TMEM132C: variants seen among roughly 807,000 people sequenced by gnomAD.
TMEM132C encodes the protein transmembrane protein 132C.
In TMEM132C, 29 loss-of-function variants were observed where a neutral mutation model predicts 61.4. The observed-to-expected ratio is 0.47, with a 90% CI of 0.35 to 0.64. TMEM132C has a LOEUF of 0.64. TMEM132C is among the 30% of genes least tolerant of loss of function. The pLI is 0.00. For missense variants in TMEM132C, 1,408 were observed against 1,476.9 expected (o/e 0.95, Z 0.76); for synonymous variants, 656 against 633.1 (o/e 1.04, Z -0.54).
chr12:128,652,200 TA>T (rs1954278074), intron 4 of TMEM132C, among the ~76,000 whole-genome samples: 1 of 151,890 alleles, frequency 6.6e-6, no homozygotes, highest in African/African-American at 2.4e-5. Context: ...GCCACATAAC[TA>T]GATAATGAGA....
chr12:128,398,346 C>T (rs1875034034), intron 1 of TMEM132C, among the ~76,000 whole-genome samples: 2 of 152,236 alleles, frequency 1.3e-5, no homozygotes, highest in South Asian at 4.1e-4. Context: ...CAAGGACTGA[C>T]ACTCTCTCTC....
At chr12:128,299,759 T>C (rs1871537127) in intron 1 of TMEM132C, among the ~76,000 whole-genome samples, 1 of 152,224 alleles carries the variant, frequency 6.6e-6, no homozygotes, top group African/African-American at 2.4e-5. Context: ...TCTCTAAAGC[T>C]GCATGCAGCC....
intron 4 of TMEM132C, among the ~76,000 whole-genome samples, chr12:128,620,776 A>G (rs74763244): frequency 0.029 from 4,346 of 152,142 alleles, 224 homozygotes; most frequent in African/African-American, 0.099. Context: ...TTGACCCCTA[A>G]AACATGACAG....
chr12:128,676,615 T>C (rs142924619), intron 5 of TMEM132C, among the ~76,000 whole-genome samples: 66 of 152,368 alleles, frequency 4.3e-4, no homozygotes, highest in Admixed American at 3.8e-3. Context: ...TAAGATATCA[T>C]ACATACTGTT....
rs533950480 is a variant in TMEM132C at position 128,586,717 on chromosome 12, C to T, written c.1122-29435C>T. Among the ~76,000 whole-genome samples, 9 of 152,312 alleles carry T rather than the reference C, an allele frequency of 5.9e-5. No individual in the cohort carries two copies. In the South Asian group the frequency reaches 1.0e-3, roughly 18 times the overall value. Reference sequence around the variant, plus strand: ...TATTAAACAGGAAGCTAAGCCAGCACGGGAAGGAAGATGTTTGTCTTACAT... The same window carrying T: ...TATTAAACAGGAAGCTAAGCCAGCATGGGAAGGAAGATGTTTGTCTTACAT... On this transcript the variant is annotated intron_variant, in intron 3 of 8. Transcript: ENST00000435159.
intron 1 of TMEM132C, among the ~76,000 whole-genome samples, chr12:128,391,587 A>G (rs772926672): frequency 3.1e-4 from 47 of 152,314 alleles, no homozygotes; most frequent in Non-Finnish European, 4.7e-4. Flanking sequence ...TTCTGTTTTA[A>G]TTGTTTTATA....
In TMEM132C at chr12:128,639,082, T is replaced by A. The variant is rs1032331991; in HGVS notation, c.1305+22747T>A. Among the ~76,000 whole-genome samples the A allele has an allele frequency of 4.2e-5, 6 of 142,204 alleles. No individual in the cohort carries two copies. The East Asian group carries it at 8.3e-4, about 20-fold the overall frequency. The allele number at this position is 142,204 out of a possible 152,430, so 93.3% of individuals were successfully genotyped here. The stretch of plus-strand genomic sequence containing the variant: ...GGTGATGATGATGATGGTGATATGA[T>A]GATGATGATGATGGTGTTGATAATG... On this transcript the variant is annotated intron_variant, in intron 4 of 8. Coordinates refer to ENST00000435159, the MANE Select transcript of TMEM132C (RefSeq NM_001136103.3).
intron 2 of TMEM132C, among the ~76,000 whole-genome samples, chr12:128,431,550 C>A (rs1332529175): frequency 2.0e-5 from 2 of 98,906 alleles, no homozygotes; most frequent in Non-Finnish European, 3.8e-5. Flanking sequence ...CCATCTAGGA[C>A]TTTTTTTTTT....
intron 2 of TMEM132C, among the ~76,000 whole-genome samples, chr12:128,422,427 C>T (rs898460784): frequency 2.0e-5 from 3 of 152,126 alleles, no homozygotes; most frequent in South Asian, 2.1e-4. Flanking sequence ...AGAGCAGAGG[C>T]GGTGATCATT....
chr12:128,658,635 C>A (rs753081843), intron 4 of TMEM132C, among the ~76,000 whole-genome samples: 9 of 152,176 alleles, frequency 5.9e-5, no homozygotes, highest in Non-Finnish European at 1.2e-4. Flanking sequence ...TTTATAGTCA[C>A]CTTCCTTGAG....
At position 128,667,024 on chromosome 12, in the gene TMEM132C, C is replaced by T. The variant is rs1593141558; in HGVS notation, c.1306-2393C>T. On this transcript the variant is annotated intron_variant, in intron 4 of 8. Coordinates refer to ENST00000435159, the MANE Select transcript of TMEM132C (RefSeq NM_001136103.3). ...GGCGGAGCTTGCAGTGAGCCGAGGT[C>T]GCGCCACTGCACTCCAGCCTGGGCG... Among the ~76,000 whole-genome samples, 3 of 152,154 alleles carry T rather than the reference C, an allele frequency of 2.0e-5. No homozygotes were observed. In the South Asian group the frequency reaches 6.2e-4, roughly 32 times the overall value.
Position 128,415,707 on chromosome 12 carries a change from C to CTA in TMEM132C, c.974+87_974+88insTA. On this transcript the variant is annotated intron_variant, in intron 2 of 8. Transcript: ENST00000435159. This position sits in a 1 kb window ranked among gnomAD's most constrained non-coding sequence, Gnocchi z 5.8. ...GCGTGGCAGATAGATATTCAGGAAG[C>CTA]ATCGATTTTCACTACCTTCAGGGAC... is the stretch of plus-strand genomic sequence containing the variant. 1 of 1,394,516 alleles carries CTA rather than the reference C, an allele frequency of 7.2e-7. No individual in the cohort carries two copies. The allele number at this position is 1,394,516 out of a possible 1,614,324, so 86.4% of individuals were successfully genotyped here. A position where few individuals can be genotyped will look rare whatever the true frequency, so the allele number is the denominator to read the frequency against.
At chr12:128,674,722 T>C (rs1465370688) in intron 5 of TMEM132C, among the ~76,000 whole-genome samples, 1 of 152,166 alleles carries the variant, frequency 6.6e-6, no homozygotes, top group Non-Finnish European at 1.5e-5. Context: ...TGGTATTTGG[T>C]TACATGAGTA....
At chr12:128,377,297 C>T (rs1874223080) in intron 1 of TMEM132C, among the ~76,000 whole-genome samples, 3 of 152,192 alleles carry the variant, frequency 2.0e-5, no homozygotes, top group Admixed American at 2.0e-4. Flanking sequence ...TCGTGATCTG[C>T]CTGCCTTGGC....
intron 1 of TMEM132C, among the ~76,000 whole-genome samples, chr12:128,309,796 A>G (rs1871910355): frequency 6.7e-6 from 1 of 149,474 alleles, no homozygotes; most frequent in Non-Finnish European, 1.5e-5. Context: ...GCAGTGGTGC[A>G]GTCTCGACTC....
At chr12:128,384,557 C>G (rs1469698926) in intron 1 of TMEM132C, among the ~76,000 whole-genome samples, 1 of 152,162 alleles carries the variant, frequency 6.6e-6, no homozygotes, top group Non-Finnish European at 1.5e-5. Flanking sequence ...TCGGATGGCT[C>G]TTTTATGGCC....
At chr12:128,639,412 A>T (rs1183967677) in intron 4 of TMEM132C, among the ~76,000 whole-genome samples, 1 of 147,970 alleles carries the variant, frequency 6.8e-6, no homozygotes, top group East Asian at 1.9e-4. Flanking sequence ...GGTGATGATG[A>T]TGATAATAAT....
intron 2 of TMEM132C, among the ~76,000 whole-genome samples, chr12:128,508,968 A>T (rs1872479577): frequency 6.6e-6 from 1 of 152,140 alleles, no homozygotes; most frequent in Non-Finnish European, 1.5e-5. Context: ...AAGGCCCATG[A>T]CTGTTTGGTT....
At chr12:128,268,022 G>C (rs1439851181) in intron 1 of TMEM132C, among the ~76,000 whole-genome samples, 5 of 152,212 alleles carry the variant, frequency 3.3e-5, no homozygotes, top group Non-Finnish European at 7.3e-5. Flanking sequence ...GCGGGCCCTA[G>C]AGGAACGCTC....
Sources: gnomAD v4.1 joint callset for allele counts (sites outside exome capture counted in the v4.1 genomes callset) on GRCh38, gnomAD v4.1.1 for gene constraint, Gnocchi (gnomAD v3.1) non-coding constraint, MANE v1.5 for transcripts, NCBI Gene and HGNC (gene_info 2026-07-23, HGNC 2026-07-21) for gene names.